LIN52: variants seen among roughly 807,000 people sequenced by gnomAD.
The protein encoded by LIN52 is lin-52 DREAM MuvB core complex component, also known as protein lin-52 homolog.
A neutral mutation model predicts 18.5 loss-of-function variants in LIN52; 4 were observed. That is an observed-to-expected ratio of 0.22 (90% CI 0.11 to 0.49). LIN52 has a LOEUF of 0.49. LIN52 is among the 20% of genes least tolerant of loss of function. The pLI is 0.97. For synonymous variants in LIN52, 34 were observed against 45.5 expected, an observed-to-expected ratio of 0.75 and a Z score of 1.02; for missense variants, 102 against 139.5, an observed-to-expected ratio of 0.73 and a Z score of 1.35.
intron 5 of LIN52, among the ~76,000 whole-genome samples, chr14:74,106,602 A>AT (rs908185618): frequency 1.3e-5 from 2 of 150,508 alleles, no homozygotes; most frequent in African/African-American, 4.9e-5. Context: ...TTATTTGTTT[A>AT]TTTTTTGAGG....
chr14:74,096,495 G>A (rs1442883443), intron 3 of LIN52, among the ~76,000 whole-genome samples: 1 of 151,270 alleles, frequency 6.6e-6, no homozygotes, highest in African/African-American at 2.4e-5. Context: ...ATGTGTTTTT[G>A]TTTTTTTGTT....
chr14:74,117,484 CG>C (rs759144259), intron 5 of LIN52, among the ~76,000 whole-genome samples: 2 of 148,468 alleles, frequency 1.3e-5, no homozygotes, highest in African/African-American at 5.1e-5. Context: ...TTTTTTTTGG[CG>C]GGGGGGCTTT....
chr14:74,119,307 GC>G (rs71115960), intron 5 of LIN52, among the ~76,000 whole-genome samples: 16,882 of 151,056 alleles, frequency 0.11, 1,237 homozygotes, highest in Admixed American at 0.19. Context: ...GACTACAGGC[GC>G]CCCCCCACCA....
chr14:74,194,207 T>TA (rs2139597764), intron 5 of LIN52, among the ~76,000 whole-genome samples: 1 of 152,302 alleles, frequency 6.6e-6, no homozygotes, highest in Non-Finnish European at 1.5e-5. Flanking sequence ...GTGCCTCTGG[T>TA]AATCCCTCAT....
intron 5 of LIN52, among the ~76,000 whole-genome samples, chr14:74,120,475 C>T (rs1398312818): frequency 6.8e-6 from 1 of 147,104 alleles, no homozygotes; most frequent in African/African-American, 2.7e-5. Flanking sequence ...AAAAAGTAGG[C>T]CAGGCGTGGT....
chr14:74,193,717 A>G (rs1002360479), intron 5 of LIN52, among the ~76,000 whole-genome samples: 2 of 152,088 alleles, frequency 1.3e-5, no homozygotes, highest in Non-Finnish European at 2.9e-5. Context: ...TGAATGAGGA[A>G]AGGAGCTCAG....
At chr14:74,151,904 C>T (rs2061178203) in intron 5 of LIN52, among the ~76,000 whole-genome samples, 1 of 151,990 alleles carries the variant, frequency 6.6e-6, no homozygotes, top group East Asian at 1.9e-4. Flanking sequence ...TAAGTAACTG[C>T]TGTGCCTTCC....
intron 5 of LIN52, among the ~76,000 whole-genome samples, chr14:74,131,146 G>A (rs4903189): frequency 0.22 from 34,036 of 151,520 alleles, 4,156 homozygotes; most frequent in South Asian, 0.46. Flanking sequence ...CTAGGCTATC[G>A]TGCAACAAAT....
chr14:74,194,535 C>T (rs912012527), intron 5 of LIN52, among the ~76,000 whole-genome samples: 1 of 152,140 alleles, frequency 6.6e-6, no homozygotes, highest in African/African-American at 2.4e-5. Flanking sequence ...ACAGTGGAAA[C>T]CTGAAAGTTG....
chr14:74,125,014 A>G (rs2061020776), intron 5 of LIN52, among the ~76,000 whole-genome samples: 1 of 152,192 alleles, frequency 6.6e-6, no homozygotes. Context: ...TTTGCAAATT[A>G]TATTTCTGAT....
chr14:74,146,312 G>GA (rs1310682346), intron 5 of LIN52, among the ~76,000 whole-genome samples: 3 of 152,088 alleles, frequency 2.0e-5, no homozygotes, highest in Non-Finnish European at 4.4e-5. Flanking sequence ...CCAACCATAA[G>GA]AAAAATATGC....
intron 5 of LIN52, among the ~76,000 whole-genome samples, chr14:74,130,317 C>T (rs1295122427): frequency 5.2e-5 from 3 of 57,158 alleles, no homozygotes; most frequent in African/African-American, 2.1e-4. Flanking sequence ...CGCTCTTTTG[C>T]CAAGCTGGAG....
intron 5 of LIN52, among the ~76,000 whole-genome samples, chr14:74,161,007 CTCA>C (rs2139564956): frequency 6.6e-6 from 1 of 152,248 alleles, no homozygotes; most frequent in East Asian, 1.9e-4. Flanking sequence ...TTGTTCTTTA[CTCA>C]TCATGTTTTT....
intron 5 of LIN52, among the ~76,000 whole-genome samples, chr14:74,197,989 AGCCTACCCCGT>A (rs1239786799): frequency 1.3e-5 from 2 of 152,174 alleles, no homozygotes; most frequent in Admixed American, 1.3e-4. Context: ...GAGACCACAC[AGCCTACCCCGT>A]GCCTACTGCA....
chr14:74,149,642 A>G (rs1366531327), intron 5 of LIN52, among the ~76,000 whole-genome samples: 1 of 152,208 alleles, frequency 6.6e-6, no homozygotes, highest in African/African-American at 2.4e-5. Flanking sequence ...ATTCCATGCA[A>G]TCAGATAAGA....
intron 5 of LIN52, among the ~76,000 whole-genome samples, chr14:74,109,973 A>G (rs1464575065): frequency 1.3e-5 from 2 of 152,138 alleles, no homozygotes; most frequent in Admixed American, 6.5e-5. Context: ...CTGGCTAGAA[A>G]TCCCAGTACA....
chr14:74,173,602 A>G (rs1434216780), intron 5 of LIN52, among the ~76,000 whole-genome samples: 1 of 152,204 alleles, frequency 6.6e-6, no homozygotes, highest in African/African-American at 2.4e-5. Flanking sequence ...CATCTAATCT[A>G]CTTATTTTAA....
At chr14:74,167,531 G>T (rs972610704) in intron 5 of LIN52, among the ~76,000 whole-genome samples, 22 of 152,080 alleles carry the variant, frequency 1.4e-4, no homozygotes, top group Admixed American at 1.0e-3. Context: ...CTCCCAAAGT[G>T]TTGGGATTAC....
chr14:74,092,160 CAG>C (rs2139850306), intron 2 of LIN52, among the ~76,000 whole-genome samples: 1 of 151,570 alleles, frequency 6.6e-6, no homozygotes, highest in Non-Finnish European at 1.5e-5. Flanking sequence ...TTAGTAGAGA[CAG>C]GGTTTCACCA....
Sources: gnomAD v4.1 joint callset for allele counts (sites outside exome capture counted in the v4.1 genomes callset) on GRCh38, gnomAD v4.1.1 for gene constraint, MANE v1.5 for transcripts, NCBI Gene and HGNC (gene_info 2026-07-23, HGNC 2026-07-21) for gene names.